Variants in PPP2R3A observed in about 807,000 individuals in gnomAD.
PPP2R3A encodes the protein protein phosphatase 2 regulatory subunit B''alpha, also known as serine/threonine-protein phosphatase 2A regulatory subunit B'' subunit alpha.
PPP2R3A carries 80 observed loss-of-function variants against 106.9 expected under a neutral mutation model. That is an observed-to-expected ratio of 0.75 (90% CI 0.62 to 0.90). The LOEUF is 0.90. Among genes scored for constraint, PPP2R3A ranks in the 40% least tolerant of loss-of-function variants. The pLI is 0.00. For missense variants in PPP2R3A, 1,386 were observed against 1,350.4 expected, an observed-to-expected ratio of 1.03 and a Z score of -0.41; for synonymous variants, 483 against 468.3, an observed-to-expected ratio of 1.03 and a Z score of -0.41.
chr3:136,012,858 C>A (rs1934130412), intron 2 of PPP2R3A, among the ~76,000 whole-genome samples: 1 of 152,004 alleles, frequency 6.6e-6, no homozygotes, highest in Non-Finnish European at 1.5e-5. Flanking sequence ...TGGATAAGTT[C>A]TTTAGTGGTG....
intron 13 of PPP2R3A, among the ~76,000 whole-genome samples, chr3:136,117,882 C>T (rs1347897100): frequency 6.6e-6 from 1 of 152,100 alleles, no homozygotes; most frequent in East Asian, 1.9e-4. Context: ...TTTATGAGGC[C>T]AGCATCATCC....
intron 2 of PPP2R3A, among the ~76,000 whole-genome samples, chr3:136,004,876 C>T (rs934342559): frequency 3.3e-5 from 5 of 152,138 alleles, no homozygotes; most frequent in South Asian, 2.1e-4. Flanking sequence ...TTAAATATTA[C>T]GTAGTAATTT....
intron 1 of PPP2R3A, among the ~76,000 whole-genome samples, chr3:135,974,146 T>C (rs1365726283): frequency 2.0e-5 from 3 of 152,234 alleles, no homozygotes; most frequent in Non-Finnish European, 4.4e-5. Context: ...CATTTCCCTC[T>C]CACCTTATTG....
chr3:136,022,032 GACTTT>G (rs998319339), intron 2 of PPP2R3A, among the ~76,000 whole-genome samples: 2 of 152,002 alleles, frequency 1.3e-5, no homozygotes, highest in Non-Finnish European at 2.9e-5. Context: ...ACCAAAGGAT[GACTTT>G]ACTTTATGAT....
At chr3:136,132,079 G>A (rs1378519418) in intron 13 of PPP2R3A, among the ~76,000 whole-genome samples, 1 of 152,012 alleles carries the variant, frequency 6.6e-6, no homozygotes, top group African/African-American at 2.4e-5. Flanking sequence ...TGAGTTGATG[G>A]CTGCAGCAAA....
intron 13 of PPP2R3A, among the ~76,000 whole-genome samples, chr3:136,131,597 C>T (rs547787437): frequency 5.7e-4 from 87 of 152,296 alleles, no homozygotes; most frequent in Middle Eastern, 3.4e-3. Context: ...TTGTGGAAGA[C>T]GGTGTGGCGA....
intron 13 of PPP2R3A, among the ~76,000 whole-genome samples, chr3:136,125,922 T>A (rs1306225093): frequency 2.6e-5 from 4 of 152,106 alleles, no homozygotes; most frequent in African/African-American, 9.7e-5. Context: ...TTGACAATAA[T>A]TCTCACCCAA....
At chr3:136,083,583 C>T (rs574831950) in intron 8 of PPP2R3A, among the ~76,000 whole-genome samples, 4 of 152,236 alleles carry the variant, frequency 2.6e-5, no homozygotes, top group Non-Finnish European at 5.9e-5. Context: ...AAATTGGTAC[C>T]AGTAGCATGG....
chr3:136,058,560 A>AGG (rs1935960733), intron 5 of PPP2R3A, among the ~76,000 whole-genome samples: 1 of 152,238 alleles, frequency 6.6e-6, no homozygotes, highest in South Asian at 2.1e-4. Context: ...GGTAGCAAGA[A>AGG]TTAATATCAC....
chr3:136,140,442 T>TAAAAAAAAAAAAAAAAAAAAAAAAAAA (rs199699500), intron 13 of PPP2R3A, among the ~76,000 whole-genome samples: 1 of 87,236 alleles, frequency 1.1e-5, no homozygotes, highest in African/African-American at 4.8e-5. Context: ...TGAGACTCTT[T>TAAAAAAAAAAAAAAAAAAAAAAAAAAA]AAAAAAAAAA....
At position 136,027,040 on chromosome 3, in the gene PPP2R3A, C is replaced by G; in HGVS notation, c.2204C>G (p.Ala735Gly). ...HEQTLSRIET[A>G]FMDIEEQKAD... is the part of the protein sequence containing the mutation. ...CAAACTCTAAGCAGAATTGAAACTG[C>G]TTTCATGGATATTGAAGAACAGAAA... Residue 735 changes from alanine (A) to glycine (G), a missense_variant, in exon 3 of 14, where the codon GCT becomes GGT. Transcript: ENST00000264977. 1 of 1,613,490 alleles carries G rather than the reference C, an allele frequency of 6.2e-7. No homozygotes were observed. The highest frequency in any genetic ancestry group is 2.2e-5 in the East Asian group (1 of 44,868).
intron 1 of PPP2R3A, among the ~76,000 whole-genome samples, chr3:135,997,513 C>A (rs970499495): frequency 7.2e-5 from 11 of 152,196 alleles, no homozygotes; most frequent in African/African-American, 2.2e-4. Context: ...TGAGTAAATT[C>A]TCAGAGCTGC....
chr3:136,134,614 A>T (rs1299459989), intron 13 of PPP2R3A, among the ~76,000 whole-genome samples: 1 of 152,206 alleles, frequency 6.6e-6, no homozygotes, highest in Non-Finnish European at 1.5e-5. Flanking sequence ...AAGCTAAAAG[A>T]TAACACCCCA....
chr3:136,046,056 G>A (rs1337660023), intron 4 of PPP2R3A, among the ~76,000 whole-genome samples: 1 of 152,094 alleles, frequency 6.6e-6, no homozygotes, highest in African/African-American at 2.4e-5. Context: ...ATGAACCTGT[G>A]GTTCCAGCTG....
intron 1 of PPP2R3A, among the ~76,000 whole-genome samples, chr3:135,970,803 G>T (rs751660673): frequency 2.7e-4 from 41 of 152,284 alleles, no homozygotes; most frequent in Non-Finnish European, 5.3e-4. Flanking sequence ...TAGGGATGTA[G>T]GTCAATGGTG....
In PPP2R3A at chr3:136,002,120, G is replaced by T; in HGVS notation, c.622G>T (p.Glu208Ter). ...CATGTTTCTTCAAAACTTTTCTGAA[G>T]AAGACTTGGTTACTCAGATTTTGGA... ...TSMFLQNFSEEDLVTQILEKH... is the reference protein window; with the variant it reads ...TSMFLQNFSE Residue 208 changes from glutamate to a stop codon, truncating the protein, a stop_gained, in exon 2 of 14, where the codon GAA becomes TAA. Coordinates refer to ENST00000264977, the MANE Select transcript of PPP2R3A (RefSeq NM_002718.5). LOFTEE classifies it high-confidence loss of function. The T allele has an allele frequency of 6.2e-7, 1 of 1,614,036 alleles. No homozygotes were observed. The highest frequency in any genetic ancestry group is 8.5e-7 in the Non-Finnish European group (1 of 1,180,010).
At chr3:136,071,475 C>T (rs992415831) in intron 6 of PPP2R3A, among the ~76,000 whole-genome samples, 6 of 152,300 alleles carry the variant, frequency 3.9e-5, no homozygotes, top group Admixed American at 3.9e-4. Flanking sequence ...AAGACAATCT[C>T]AGAAGTTATT....
chr3:136,070,144 A>T (rs553994011), intron 5 of PPP2R3A, among the ~76,000 whole-genome samples: 23 of 152,216 alleles, frequency 1.5e-4, no homozygotes, highest in Non-Finnish European at 8.8e-5. Flanking sequence ...CACTTTACAT[A>T]ATACCTCGAC....
chr3:136,100,268 G>C (rs542526353), intron 10 of PPP2R3A, among the ~76,000 whole-genome samples: 1 of 152,200 alleles, frequency 6.6e-6, no homozygotes, highest in South Asian at 2.1e-4. Context: ...CCAGCACTTT[G>C]GGAGGCCAAG....
Sources: allele counts gnomAD v4.1 joint callset (sites outside exome capture counted in the v4.1 genomes callset), GRCh38; gene constraint gnomAD v4.1.1; transcripts MANE v1.5; gene names NCBI Gene and HGNC (gene_info 2026-07-23, HGNC 2026-07-21).